Variants in YWHAE observed in about 807,000 individuals in gnomAD.
YWHAE encodes tyrosine 3-monooxygenase/tryptophan 5-monooxygenase activation protein epsilon, also known as 14-3-3 protein epsilon.
YWHAE carries 4 observed loss-of-function variants against 30.1 expected under a neutral mutation model. The observed-to-expected ratio is 0.13, with a 90% CI of 0.07 to 0.30. YWHAE has a LOEUF of 0.30. Ranked by LOEUF, YWHAE falls within the 10% of genes least tolerant of loss-of-function variation. The pLI is 1.00. For missense variants in YWHAE, 121 were observed against 315.9 expected, an observed-to-expected ratio of 0.38 and a Z score of 4.68; for synonymous variants, 118 against 111.8, an observed-to-expected ratio of 1.06 and a Z score of -0.35.
chr17:1,399,948 C>T, intron 1 of YWHAE, 99 bp downstream of exon 1: 1 of 1,475,628 alleles, frequency 6.8e-7, no homozygotes, highest in Non-Finnish European at 9.5e-7. Context: ...CCGGGCCAGG[C>T]TCGCAGACGA....
At chr17:1,379,892 A>T (rs2150867112) in intron 1 of YWHAE, among the ~76,000 whole-genome samples, 2 of 152,368 alleles carry the variant, frequency 1.3e-5, no homozygotes, top group South Asian at 4.1e-4. Context: ...TGAAAGAACC[A>T]GAATGCTGTA....
At position 1,361,136 on chromosome 17, in the gene YWHAE, G is replaced by C. The variant is rs139215804; in HGVS notation, c.534C>G (p.Ser178=). The C allele has an allele frequency of 1.2e-6, 2 of 1,613,924 alleles. No homozygotes were observed. The highest frequency in any genetic ancestry group is 8.5e-7 in the Non-Finnish European group (1 of 1,179,990). Residue 178 remains serine, a synonymous_variant, in exon 4 of 6, where the codon TCC becomes TCG. Transcript: ENST00000264335. ...PIRLGLALNF[S]VFYYEILNSP... ...AATTAAGAATTTCGTAGTAGAATAC[G>C]GAAAAATTGAGAGCAAGACCTAAGC...
At chr17:1,359,994 A>G (rs191975287) in intron 4 of YWHAE, among the ~76,000 whole-genome samples, 31 of 150,484 alleles carry the variant, frequency 2.1e-4, no homozygotes, top group African/African-American at 6.1e-4. Flanking sequence ...AAAAAGTCTC[A>G]CTGTGTCACC....
intron 1 of YWHAE, among the ~76,000 whole-genome samples, chr17:1,376,528 C>CTT (rs2073127753): frequency 6.7e-6 from 1 of 149,158 alleles, no homozygotes; most frequent in African/African-American, 2.6e-5. Context: ...AGACGGGAGT[C>CTT]TTTGTATGTT....
intron 1 of YWHAE, among the ~76,000 whole-genome samples, chr17:1,378,354 T>C (rs1281640198): frequency 2.6e-5 from 4 of 152,160 alleles, no homozygotes; most frequent in African/African-American, 9.7e-5. Context: ...ATGAATAAAA[T>C]TAGGCAAAAG....
At chr17:1,394,783 A>G (rs923797877) in intron 1 of YWHAE, among the ~76,000 whole-genome samples, 2 of 151,794 alleles carry the variant, frequency 1.3e-5, no homozygotes, top group Non-Finnish European at 1.5e-5. Flanking sequence ...CCTGGCAAAC[A>G]TGGTGAAACC....
At chr17:1,369,000 G>A (rs1373932695) in intron 1 of YWHAE, among the ~76,000 whole-genome samples, 4 of 152,042 alleles carry the variant, frequency 2.6e-5, no homozygotes, top group Admixed American at 1.3e-4. Flanking sequence ...CAACAACGAA[G>A]ACTTAGTATT....
chr17:1,389,017 G>A (rs1392169283), intron 1 of YWHAE, among the ~76,000 whole-genome samples: 1 of 152,062 alleles, frequency 6.6e-6, no homozygotes, highest in Non-Finnish European at 1.5e-5. Flanking sequence ...CCAGGTGGGA[G>A]TGCAGTGGTC....
intron 1 of YWHAE, among the ~76,000 whole-genome samples, chr17:1,388,117 G>GTTTTTTTTTTTTTT (rs1491196737): frequency 4.9e-4 from 32 of 65,108 alleles, no homozygotes; most frequent in Non-Finnish European, 5.3e-4. Flanking sequence ...TTTTTTGGTT[G>GTTTTTTTTTTTTTT]GTTTTTTTTT....
chr17:1,344,557 GGTTT>G lies in YWHAE; in HGVS notation c.*886_*889del, dbSNP rs1325596249. 5.1e-6 allele frequency: 1 copy of G among 194,458 alleles called. No individual in the cohort carries two copies. Among genetic ancestry groups the G allele is most frequent in the Non-Finnish European group, 1.1e-5 (1 of 92,328 alleles). The allele number at this position is 194,458 out of a possible 1,614,324, so 12.0% of individuals were successfully genotyped here. On this transcript the variant is annotated 3_prime_UTR_variant, in exon 6 of 6. Transcript: ENST00000264335. ...CGCGATATTTGGCATTTTTAATTTAGGTTTGTTTTATTTAAGTTTAATGTTAATT... is the reference window on the plus strand; with the variant it reads ...CGCGATATTTGGCATTTTTAATTTAGGTTTTATTTAAGTTTAATGTTAATT...
At chr17:1,367,929 T>C (rs1310214930) in intron 1 of YWHAE, among the ~76,000 whole-genome samples, 1 of 152,198 alleles carries the variant, frequency 6.6e-6, no homozygotes, top group Non-Finnish European at 1.5e-5. Context: ...CTCAAGCTGA[T>C]TTTTTAAATG....
At chr17:1,382,195 C>T (rs1289290821) in intron 1 of YWHAE, among the ~76,000 whole-genome samples, 3 of 151,540 alleles carry the variant, frequency 2.0e-5, no homozygotes, top group Admixed American at 1.3e-4. Context: ...ACTTCAGGCG[C>T]CCACCACCAT....
Position 1,388,114 on chromosome 17 carries a change from G to GTTT in YWHAE, c.64+11932_64+11933insAAA, listed in dbSNP as rs1567983280. ...TGGGTAATTTTTGTTTTTTTTTTTG[G>GTTT]TTGGTTTTTTTTTTTTTTTTTTTTT... On this transcript the variant is annotated intron_variant, in intron 1 of 5. Transcript: ENST00000264335. Among the ~76,000 whole-genome samples the GTTT allele has an allele frequency of 5.0e-4, 20 of 40,330 alleles. 1 individual carries two copies. The highest frequency in any genetic ancestry group is 2.1e-3 in the African/African-American group (16 of 7,628). 26.5% of individuals were successfully genotyped at this position (40,330 alleles called of 152,430 possible).
At chr17:1,358,199 G>A (rs1348302054) in intron 4 of YWHAE, among the ~76,000 whole-genome samples, 4 of 151,948 alleles carry the variant, frequency 2.6e-5, no homozygotes, top group African/African-American at 4.8e-5. Context: ...GACCAGCTTC[G>A]GCAACACAGC....
At chr17:1,350,210 C>T (rs146700980) in intron 5 of YWHAE, among the ~76,000 whole-genome samples, 230 of 151,978 alleles carry the variant, frequency 1.5e-3, no homozygotes, top group Non-Finnish European at 2.7e-3. Context: ...CTTCGGCCTC[C>T]CAAAGTGCTG....
chr17:1,354,987 T>TTTG (rs1397885139), intron 4 of YWHAE, among the ~76,000 whole-genome samples: 2 of 105,896 alleles, frequency 1.9e-5, no homozygotes, highest in Non-Finnish European at 1.9e-5. Context: ...TTTTTTTTTT[T>TTTG]TTTTTTTTTT....
chr17:1,386,248 G>A (rs1009392495), intron 1 of YWHAE, among the ~76,000 whole-genome samples: 33 of 152,288 alleles, frequency 2.2e-4, no homozygotes, highest in African/African-American at 7.7e-4. Flanking sequence ...AGTCAGTGAA[G>A]AAACACTGAG....
chr17:1,378,349 T>C (rs2073154401), intron 1 of YWHAE, among the ~76,000 whole-genome samples: 1 of 151,720 alleles, frequency 6.6e-6, no homozygotes, highest in Non-Finnish European at 1.5e-5. Context: ...AAGGAATGAA[T>C]AAAATTAGGC....
chr17:1,371,399 A>G (rs1452056019), intron 1 of YWHAE, among the ~76,000 whole-genome samples: 1 of 152,130 alleles, frequency 6.6e-6, no homozygotes, highest in African/African-American at 2.4e-5. Context: ...TGCATTTTCA[A>G]TGTGCAGTAA....
Sources: allele counts gnomAD v4.1 joint callset (sites outside exome capture counted in the v4.1 genomes callset), GRCh38; gene constraint gnomAD v4.1.1; transcripts MANE v1.5; gene names NCBI Gene and HGNC (gene_info 2026-07-23, HGNC 2026-07-21).